Variants in ZNF536 observed in about 807,000 individuals in gnomAD.
ZNF536 encodes zinc finger protein 536.
ZNF536 carries 13 observed loss-of-function variants against 84.5 expected under a neutral mutation model. The observed-to-expected ratio is 0.15, with a 90% CI of 0.10 to 0.24. The LOEUF is 0.24. Ranked by LOEUF, ZNF536 falls within the 10% of genes least tolerant of loss-of-function variation. The pLI is 1.00. For synonymous variants in ZNF536, 811 were observed against 742.5 expected (o/e 1.09, Z -1.50); for missense variants, 1,536 against 1,747.5 (o/e 0.88, Z 2.16).
intron 2 of ZNF536, among the ~76,000 whole-genome samples, chr19:30,466,263 T>G (rs1439818405): frequency 1.3e-5 from 2 of 151,574 alleles, no homozygotes; most frequent in Non-Finnish European, 2.9e-5. Flanking sequence ...CATTTTAGGC[T>G]GGACACCATG....
intron 1 of ZNF536, among the ~76,000 whole-genome samples, chr19:30,374,815 C>T (rs1002219801): frequency 1.3e-5 from 2 of 151,346 alleles, no homozygotes; most frequent in Non-Finnish European, 3.0e-5. Context: ...GGCGCCCGGG[C>T]GGATTGCGAG....
At chr19:30,702,455 G>A (rs570984790) in intron 1 of ZNF536, among the ~76,000 whole-genome samples, 7 of 152,156 alleles carry the variant, frequency 4.6e-5, no homozygotes, top group Admixed American at 2.6e-4. Context: ...GAGGTGGGGC[G>A]GGCAGTTGGG....
At chr19:30,553,696 G>A (rs373283529) in intron 4 of ZNF536, among the ~76,000 whole-genome samples, 11 of 152,338 alleles carry the variant, frequency 7.2e-5, no homozygotes, top group African/African-American at 1.9e-4. Context: ...CAGGCACTGC[G>A]GCTCACACCT....
At chr19:30,461,097 T>C (rs952280694) in intron 2 of ZNF536, among the ~76,000 whole-genome samples, 3 of 152,166 alleles carry the variant, frequency 2.0e-5, no homozygotes, top group African/African-American at 7.2e-5. Context: ...CCCATTTCCC[T>C]GTTTCCCAGG....
chr19:30,655,265 G>A (rs1909790864), intron 1 of ZNF536, among the ~76,000 whole-genome samples: 2 of 152,180 alleles, frequency 1.3e-5, no homozygotes, highest in South Asian at 4.1e-4. Flanking sequence ...GGGGTAGCCG[G>A]GTGACTGCAA....
intron 2 of ZNF536, among the ~76,000 whole-genome samples, chr19:30,330,467 G>T (rs565941169): frequency 6.6e-6 from 1 of 152,164 alleles, no homozygotes; most frequent in Non-Finnish European, 1.5e-5. Flanking sequence ...GGACTGAGAG[G>T]ACACTCGACT....
intron 1 of ZNF536, among the ~76,000 whole-genome samples, chr19:30,407,368 C>T (rs2050303492): frequency 6.6e-6 from 1 of 152,210 alleles, no homozygotes; most frequent in African/African-American, 2.4e-5. Context: ...CTATAGTCAT[C>T]AACATAGAAG....
At chr19:30,532,775 G>A (rs577330920) in intron 2 of ZNF536, among the ~76,000 whole-genome samples, 24 of 152,296 alleles carry the variant, frequency 1.6e-4, no homozygotes, top group Admixed American at 1.5e-3. Flanking sequence ...ATGACATCTA[G>A]CCATCACTCC....
chr19:30,529,371 G>A (rs1292989194), intron 2 of ZNF536, among the ~76,000 whole-genome samples: 2 of 152,110 alleles, frequency 1.3e-5, no homozygotes, highest in African/African-American at 2.4e-5. Flanking sequence ...TCTAAGTATC[G>A]GGGCTTTAAC....
chr19:30,668,321 C>CAGGT, intron 1 of ZNF536, among the ~76,000 whole-genome samples: 1 of 152,118 alleles, frequency 6.6e-6, no homozygotes, highest in South Asian at 2.1e-4. Flanking sequence ...CTTGCTAGGA[C>CAGGT]AGGTCCTGCA....
intron 2 of ZNF536, among the ~76,000 whole-genome samples, chr19:30,512,230 C>A (rs964863149): frequency 1.3e-5 from 2 of 152,084 alleles, no homozygotes; most frequent in Non-Finnish European, 2.9e-5. Flanking sequence ...TTTTCCAATG[C>A]CTGCAAAATT....
upstream of ZNF536, among the ~76,000 whole-genome samples, chr19:30,371,109 G>A (rs991906922): frequency 6.6e-6 from 1 of 152,230 alleles, no homozygotes; most frequent in African/African-American, 2.4e-5. Context: ...TGCAGGCAGT[G>A]TCTGAATATG....
chr19:30,246,633 G>A (rs896238893), intron 1 of ZNF536, among the ~76,000 whole-genome samples: 2 of 152,138 alleles, frequency 1.3e-5, no homozygotes, highest in African/African-American at 4.8e-5. Flanking sequence ...GGATGCGTGA[G>A]GAAAGTAATA....
chr19:30,357,669 T>C (rs2048141978), intron 3 of ZNF536, among the ~76,000 whole-genome samples: 1 of 152,126 alleles, frequency 6.6e-6, no homozygotes, highest in African/African-American at 2.4e-5. Flanking sequence ...CTGGGGATCC[T>C]GCTCTTGAAG....
At chr19:30,456,120 G>A (rs1477592937) in intron 2 of ZNF536, among the ~76,000 whole-genome samples, 1 of 152,118 alleles carries the variant, frequency 6.6e-6, no homozygotes, top group East Asian at 1.9e-4. Flanking sequence ...GTTCAGATTT[G>A]GACCCTGGGC....
intron 1 of ZNF536, among the ~76,000 whole-genome samples, chr19:30,240,967 G>A (rs1481333118): frequency 1.3e-5 from 2 of 152,188 alleles, no homozygotes. Context: ...TGAACAAACC[G>A]ATTCATATCT....
intron 2 of ZNF536, among the ~76,000 whole-genome samples, chr19:30,321,351 G>A (rs2046848573): frequency 6.6e-6 from 1 of 152,166 alleles, no homozygotes; most frequent in Non-Finnish European, 1.5e-5. Context: ...GAAGTCAGGA[G>A]TTTGAGACCA....
chr19:30,694,393 C>T (rs1341080256), intron 1 of ZNF536, among the ~76,000 whole-genome samples: 1 of 152,226 alleles, frequency 6.6e-6, no homozygotes, highest in East Asian at 1.9e-4. Flanking sequence ...ACACACAAAG[C>T]CTCACCCAGT....
chr19:30,472,598 T>C (rs3786804), intron 2 of ZNF536, among the ~76,000 whole-genome samples: 55,315 of 152,096 alleles, frequency 0.36, 11,339 homozygotes, highest in East Asian at 0.56. Flanking sequence ...ATAAACGCAC[T>C]TCGAGGCACA....
Sources: gnomAD v4.1 joint callset for allele counts (sites outside exome capture counted in the v4.1 genomes callset) on GRCh38, gnomAD v4.1.1 for gene constraint, MANE v1.5 for transcripts, NCBI Gene and HGNC (gene_info 2026-07-23, HGNC 2026-07-21) for gene names.